The following MTA3 variants were observed in gnomAD, a reference collection of about 807,000 sequenced individuals.
MTA3 encodes the protein metastasis associated 1 family member 3.
In MTA3, 34 loss-of-function variants were observed where a neutral mutation model predicts 83.5. The ratio of observed to expected loss-of-function variants is 0.41; its 90% confidence interval spans 0.31 to 0.54. MTA3 has a LOEUF of 0.54. Ranked by LOEUF, MTA3 falls within the 20% of genes least tolerant of loss-of-function variation. The probability of loss-of-function intolerance (pLI) is 0.33; values close to 1 mark genes in which losing one functional copy is unlikely to be tolerated. For missense variants in MTA3, 761 were observed against 726.4 expected (o/e 1.05, Z -0.55); for synonymous variants, 303 against 252.7 (o/e 1.20, Z -1.89).
chr2:42,621,913 T>G (rs1330762426), intron 4 of MTA3, among the ~76,000 whole-genome samples: 1 of 144,422 alleles, frequency 6.9e-6, no homozygotes, highest in African/African-American at 2.6e-5. Flanking sequence ...CGCTCCTCAC[T>G]TCTCAGACTG....
intron 3 of MTA3, among the ~76,000 whole-genome samples, chr2:42,607,319 C>G (rs1347246392): frequency 6.6e-6 from 1 of 152,096 alleles, no homozygotes; most frequent in African/African-American, 2.4e-5. Flanking sequence ...GAGGAGTCTC[C>G]CGCTGGAGAT....
At chr2:42,746,122 T>C (rs1209759566) in intron 16 of MTA3, among the ~76,000 whole-genome samples, 1 of 152,174 alleles carries the variant, frequency 6.6e-6, no homozygotes, top group East Asian at 1.9e-4. Context: ...AAAATGGTCC[T>C]CTTTATCTCT....
intron 2 of MTA3, among the ~76,000 whole-genome samples, chr2:42,552,929 G>A (rs189464057): frequency 8.7e-5 from 13 of 150,020 alleles, no homozygotes; most frequent in African/African-American, 1.5e-4. Context: ...CAGCCTGGGC[G>A]ACACCGCAAG....
intron 8 of MTA3, among the ~76,000 whole-genome samples, chr2:42,669,868 T>G (rs1224147145): frequency 3.3e-5 from 5 of 152,206 alleles, no homozygotes; most frequent in Non-Finnish European, 7.3e-5. Context: ...GATTTGAACT[T>G]GGGAGAAATA....
intron 16 of MTA3, among the ~76,000 whole-genome samples, chr2:42,748,114 T>A (rs1669578473): frequency 6.6e-6 from 1 of 152,214 alleles, no homozygotes; most frequent in South Asian, 2.1e-4. Context: ...CTGCAACCTC[T>A]GCCTCCTGGG....
chr2:42,706,160 G>T (rs897613933), intron 12 of MTA3, among the ~76,000 whole-genome samples: 3 of 152,058 alleles, frequency 2.0e-5, no homozygotes, highest in African/African-American at 7.2e-5. Context: ...AGCTTTAGGA[G>T]ATATACCTAA....
intron 3 of MTA3, among the ~76,000 whole-genome samples, chr2:42,602,061 G>A (rs1489535627): frequency 5.3e-5 from 8 of 152,162 alleles, no homozygotes; most frequent in African/African-American, 4.8e-5. Flanking sequence ...GGCTGGTCTC[G>A]AACTCCTGAC....
At chr2:42,583,452 T>C (rs891150638) in intron 3 of MTA3, among the ~76,000 whole-genome samples, 2 of 152,182 alleles carry the variant, frequency 1.3e-5, no homozygotes, top group African/African-American at 4.8e-5. Flanking sequence ...TAGAATGAGT[T>C]CAAAACTGGA....
At chr2:42,637,428 G>C (rs963809303) in intron 4 of MTA3, among the ~76,000 whole-genome samples, 19 of 152,146 alleles carry the variant, frequency 1.2e-4, no homozygotes, top group South Asian at 2.1e-4. Flanking sequence ...TTTGATAATA[G>C]TTCCTTTAGG....
At chr2:42,519,158 G>A (rs761216786) in intron 2 of MTA3, among the ~76,000 whole-genome samples, 6 of 152,140 alleles carry the variant, frequency 3.9e-5, no homozygotes, top group Non-Finnish European at 8.8e-5. Context: ...CCCTTGATAT[G>A]ATGTGATGAG....
intron 3 of MTA3, among the ~76,000 whole-genome samples, chr2:42,600,206 C>A (rs1348435663): frequency 6.6e-6 from 1 of 151,896 alleles, no homozygotes; most frequent in Non-Finnish European, 1.5e-5. Flanking sequence ...TCAAAAAAAA[C>A]AAAACAAAAC....
intron 6 of MTA3, among the ~76,000 whole-genome samples, chr2:42,646,102 C>A (rs1688155422): frequency 6.6e-6 from 1 of 152,176 alleles, no homozygotes; most frequent in African/African-American, 2.4e-5. Context: ...AACAACAAAG[C>A]CTAAATGACA....
chr2:42,549,810 T>C (rs1487055968), intron 2 of MTA3, among the ~76,000 whole-genome samples: 1 of 148,722 alleles, frequency 6.7e-6, no homozygotes, highest in African/African-American at 2.5e-5. Flanking sequence ...ACATGAAATC[T>C]TGGGCCACCC....
intron 4 of MTA3, among the ~76,000 whole-genome samples, chr2:42,636,824 A>G (rs1464497431): frequency 2.0e-5 from 3 of 151,690 alleles, no homozygotes; most frequent in African/African-American, 7.3e-5. Context: ...ACAGGGCTTC[A>G]CCGTATTGGC....
intron 4 of MTA3, among the ~76,000 whole-genome samples, chr2:42,619,258 G>C (rs1201738851): frequency 1.3e-5 from 2 of 152,168 alleles, no homozygotes; most frequent in Non-Finnish European, 2.9e-5. Flanking sequence ...GACTCAGAAA[G>C]AGCACTCATG....
At chr2:42,698,289 GA>G (rs1693564789) in intron 11 of MTA3, 1 of 152,136 alleles carries the variant, frequency 6.6e-6, no homozygotes, top group South Asian at 2.1e-4. Flanking sequence ...ATAAATAATG[GA>G]GAGGTTTTGA....
intron 2 of MTA3, among the ~76,000 whole-genome samples, chr2:42,500,922 T>G (rs1001389308): frequency 7.3e-5 from 11 of 151,422 alleles, no homozygotes; most frequent in African/African-American, 2.7e-4. Flanking sequence ...GCCATTCTCC[T>G]GCCTCAGCCT....
In MTA3 at chr2:42,753,844, C is replaced by T. The variant is rs901703399; in HGVS notation, c.*445C>T. 373 of 991,210 alleles carry T rather than the reference C, an allele frequency of 3.8e-4. No homozygotes were observed. The highest frequency in any genetic ancestry group is 1.0e-3 in the Middle Eastern group (2 of 1,936). The allele number at this position is 991,210 out of a possible 1,614,324, so 61.4% of individuals were successfully genotyped here. Reference sequence around the variant, plus strand: ...TGTACAGGAGGGCCATGGCATCTTTCTGAATGGATTTTTCTTAAGAAATGC... The same window carrying T: ...TGTACAGGAGGGCCATGGCATCTTTTTGAATGGATTTTTCTTAAGAAATGC... On this transcript the variant is annotated 3_prime_UTR_variant, in exon 17 of 17. Coordinates refer to ENST00000405094, the MANE Select transcript of MTA3 (RefSeq NM_001330442.2).
At chr2:42,673,229 A>G (rs1434155574) in intron 8 of MTA3, among the ~76,000 whole-genome samples, 1 of 152,072 alleles carries the variant, frequency 6.6e-6, no homozygotes, top group Non-Finnish European at 1.5e-5. Flanking sequence ...TCTGCTTGGA[A>G]AAAAAGAATG....
Sources: gnomAD v4.1 joint callset for allele counts (sites outside exome capture counted in the v4.1 genomes callset) on GRCh38, gnomAD v4.1.1 for gene constraint, MANE v1.5 for transcripts, NCBI Gene and HGNC (gene_info 2026-07-23, HGNC 2026-07-21) for gene names.